The following SPATA6L variants were observed in gnomAD, a reference collection of about 807,000 sequenced individuals.
SPATA6L encodes spermatogenesis associated 6-like protein.
In SPATA6L, 68 loss-of-function variants were observed where a neutral mutation model predicts 49.2. That is an observed-to-expected ratio of 1.38 (90% CI 1.14 to 1.69). The LOEUF is 1.69. Among genes scored for constraint, SPATA6L ranks in the 40% most tolerant of loss-of-function variants. The pLI, the probability that SPATA6L is intolerant of heterozygous loss-of-function variation, is 0.00. For synonymous variants in SPATA6L, 198 were observed against 165.7 expected, an observed-to-expected ratio of 1.19 and a Z score of -1.50; for missense variants, 668 against 464.3, an observed-to-expected ratio of 1.44 and a Z score of -4.03.
chr9:4,627,731 C>T, intron 5 of SPATA6L: 17 of 1,289,120 alleles, frequency 1.3e-5, no homozygotes, highest in Non-Finnish European at 1.5e-5. Flanking sequence ...CACATGGATG[C>T]CCTAAGACGC....
intron 1 of SPATA6L, chr9:4,664,901 C>G (rs1404307866): frequency 6.0e-6 from 1 of 167,110 alleles, no homozygotes; most frequent in Admixed American, 6.5e-5. Context: ...GCTAAAGCAG[C>G]TAAACTGTGA....
At chr9:4,628,805 A>G (rs1396392466) in intron 5 of SPATA6L, 4 of 292,704 alleles carry the variant, frequency 1.4e-5, no homozygotes, top group African/African-American at 6.8e-5. Flanking sequence ...TAGAACAACA[A>G]TAACAAAAGC....
chr9:4,592,285 A>T (rs1369484589), intron 13 of SPATA6L, among the ~76,000 whole-genome samples: 1 of 148,086 alleles, frequency 6.8e-6, no homozygotes, highest in Admixed American at 6.9e-5. Context: ...ACTGCACTCC[A>T]GCCTGGGTGA....
At chr9:4,657,013 G>A (rs562804824) in intron 2 of SPATA6L, among the ~76,000 whole-genome samples, 4 of 152,260 alleles carry the variant, frequency 2.6e-5, no homozygotes, top group African/African-American at 7.2e-5. Flanking sequence ...TGAAGCACAA[G>A]AAAAACATTG....
chr9:4,627,209 G>A (rs1248268944), intron 5 of SPATA6L: 2 of 152,692 alleles, frequency 1.3e-5, no homozygotes, highest in Non-Finnish European at 1.5e-5. Flanking sequence ...ACTGAAAGAA[G>A]GACCTAGGAA....
intron 2 of SPATA6L, among the ~76,000 whole-genome samples, chr9:4,659,454 G>A (rs36160237): frequency 0.54 from 81,244 of 149,480 alleles, 22,504 homozygotes; most frequent in East Asian, 0.7. Context: ...AAATATCTAG[G>A]AATACAACTT....
chr9:4,630,204 C>A (rs1045238737), intron 4 of SPATA6L, among the ~76,000 whole-genome samples: 1 of 152,042 alleles, frequency 6.6e-6, no homozygotes, highest in Non-Finnish European at 1.5e-5. Flanking sequence ...TGGGATTGTT[C>A]TACATCCTGC....
chr9:4,615,162 A>G (rs867352392), intron 9 of SPATA6L, among the ~76,000 whole-genome samples: 2 of 152,304 alleles, frequency 1.3e-5, no homozygotes, highest in Non-Finnish European at 2.9e-5. Flanking sequence ...CACCTCCTCC[A>G]TGAAACATTC....
At chr9:4,597,518 T>C (rs1822380901), downstream of SPATA6L, among the ~76,000 whole-genome samples, 1 of 152,186 alleles carries the variant, frequency 6.6e-6, no homozygotes, top group African/African-American at 2.4e-5. Context: ...ATCTGCACCA[T>C]GTAAAAGCTC....
At chr9:4,616,856 A>G (rs1828141032) in intron 9 of SPATA6L, among the ~76,000 whole-genome samples, 1 of 152,196 alleles carries the variant, frequency 6.6e-6, no homozygotes, top group African/African-American at 2.4e-5. Context: ...AACTGCTGGG[A>G]TTATAGGCAT....
rs1446460306 is a variant in SPATA6L, at chr9:4,635,294, T to G, written c.332A>C (p.Lys111Thr). Reference sequence around the variant, plus strand: ...ACTTACTGGAAAACCCAGAGCCGTCTTCATGAGCACCTCCCTACACCTCCT... The same window carrying G: ...ACTTACTGGAAAACCCAGAGCCGTCGTCATGAGCACCTCCCTACACCTCCT... ...HPRRCREVLM[K>T]TALGFPGIAP... is the part of the protein sequence containing the mutation. Residue 111 changes from lysine (K) to threonine (T), a missense_variant, in exon 4 of 12, where the codon AAG (lysine) becomes ACG (threonine). Physicochemically the swap from Lys to Thr is moderately conservative, Grantham distance 78. Coordinates refer to ENST00000682582, the MANE Select transcript of SPATA6L (RefSeq NM_001353486.2). 2.6e-6 allele frequency: 4 copies of G among 1,539,842 alleles called. No homozygotes were observed. The African/African-American group carries it at 5.8e-5, about 22-fold the overall frequency.
intron 7 of SPATA6L, among the ~76,000 whole-genome samples, chr9:4,620,788 C>T (rs915767193): frequency 1.3e-5 from 2 of 152,158 alleles, no homozygotes; most frequent in African/African-American, 4.8e-5. Context: ...GTGTGAGTCC[C>T]ATCGTAATAG....
downstream of SPATA6L, among the ~76,000 whole-genome samples, chr9:4,596,828 C>T (rs1026967379): frequency 6.6e-5 from 10 of 152,136 alleles, no homozygotes; most frequent in African/African-American, 2.4e-4. Context: ...TACAGAGAAC[C>T]TGAGGTTTGG....
chr9:4,590,732 CA>C (rs1821852958), intron 13 of SPATA6L, among the ~76,000 whole-genome samples: 1 of 152,122 alleles, frequency 6.6e-6, no homozygotes, highest in Non-Finnish European at 1.5e-5. Context: ...ACTTGCCTCA[CA>C]AAAGCACTGT....
At chr9:4,593,625 A>G (rs948352441), downstream of SPATA6L, among the ~76,000 whole-genome samples, 5 of 152,178 alleles carry the variant, frequency 3.3e-5, no homozygotes, top group Non-Finnish European at 7.3e-5. Flanking sequence ...GGCTTCCACA[A>G]CATTCCTGAA....
intron 3 of SPATA6L, among the ~76,000 whole-genome samples, chr9:4,637,502 A>G (rs965585276): frequency 6.6e-6 from 1 of 152,160 alleles, no homozygotes; most frequent in Non-Finnish European, 1.5e-5. Context: ...TTTTCTGTAC[A>G]TTATTCTACT....
rs1227197626 is a variant in SPATA6L, at chr9:4,600,282, C to G, written c.*529G>C. ...ATCTGAACTACCCAGACGTAATGCT[C>G]TCTTTTCCAAGGTTTTTAGTGGACT... On this transcript the variant is annotated 3_prime_UTR_variant, in exon 12 of 12. Coordinates refer to ENST00000682582, the MANE Select transcript of SPATA6L (RefSeq NM_001353486.2). 6.6e-6 allele frequency among the ~76,000 whole-genome samples: 1 copy of G among 152,170 alleles called. No homozygotes were observed. The highest frequency in any genetic ancestry group is 6.5e-5 in the Admixed American group (1 of 15,272).
chr9:4,659,836 G>C (rs1839192194), intron 2 of SPATA6L, among the ~76,000 whole-genome samples: 1 of 152,146 alleles, frequency 6.6e-6, no homozygotes, highest in Non-Finnish European at 1.5e-5. Context: ...CAGAGATACA[G>C]ACCAATGGAA....
intron 9 of SPATA6L, among the ~76,000 whole-genome samples, chr9:4,608,823 C>T (rs1178198318): frequency 1.3e-5 from 2 of 151,744 alleles, no homozygotes; most frequent in African/African-American, 4.9e-5. Flanking sequence ...AATAGAGACA[C>T]AAAAAACCCT....
Sources: allele counts gnomAD v4.1 joint callset (sites outside exome capture counted in the v4.1 genomes callset), GRCh38; gene constraint gnomAD v4.1.1; transcripts MANE v1.5; gene names NCBI Gene and HGNC (gene_info 2026-07-23, HGNC 2026-07-21).